RETSAT: variants seen among roughly 807,000 people sequenced by gnomAD.
RETSAT encodes the protein all-trans-retinol 13,14-reductase.
A neutral mutation model predicts 61.6 loss-of-function variants in RETSAT; 35 were observed. The observed-to-expected ratio is 0.57, with a 90% confidence interval of 0.43 to 0.75. The LOEUF is 0.75. Ranked by LOEUF, RETSAT falls within the 30% of genes least tolerant of loss-of-function variation. RETSAT has a pLI of 0.00. For missense variants in RETSAT, 670 were observed against 759.5 expected (o/e 0.88, Z 1.38); for synonymous variants, 277 against 310.4 (o/e 0.89, Z 1.13).
In RETSAT at chr2:85,350,243, T is replaced by C. The variant is rs891023854; in HGVS notation, c.598-2A>G. Reference sequence around the variant, plus strand: ...ATGAGGGGCTCCACTGGATACCACCTGGGGGAGTGAATGAGGACAGCAGGC... The same window carrying C: ...ATGAGGGGCTCCACTGGATACCACCCGGGGGAGTGAATGAGGACAGCAGGC... On this transcript the variant is annotated splice_acceptor_variant, in intron 3 of 10. Transcript: ENST00000295802. LOFTEE classifies it high-confidence loss of function. 4 of 1,612,812 alleles carry C rather than the reference T, an allele frequency of 2.5e-6. No homozygotes were observed. Among genetic ancestry groups the C allele is most frequent in the African/African-American group, 1.3e-5 (1 of 74,990 alleles).
rs374160271 is a variant in RETSAT, at chr2:85,344,702, G to T, written c.1148C>A (p.Pro383His). 9.4e-5 allele frequency: 152 copies of T among 1,614,016 alleles called. No individual in the cohort carries two copies. The highest frequency in any genetic ancestry group is 1.3e-4 in the Non-Finnish European group (149 of 1,180,016). ...GVKQQLGTVR[P>H]GLGMTSVFIC... Reference sequence around the variant, plus strand: ...GAAAACAGAGGTCATGCCTAAGCCGGGCCGCACCGTCCCCAGTTGCTGCTT... The same window carrying T: ...GAAAACAGAGGTCATGCCTAAGCCGTGCCGCACCGTCCCCAGTTGCTGCTT... Residue 383 changes from proline to histidine, a missense_variant, in exon 7 of 11, where the codon CCC becomes CAC. Physicochemically the swap from Pro to His is moderately conservative, Grantham distance 77. Transcript: ENST00000295802.
intron 2 of RETSAT, chr2:85,351,403 G>A (rs750888412): frequency 6.7e-6 from 3 of 448,340 alleles, no homozygotes; most frequent in Non-Finnish European, 1.2e-5. Context: ...GGCCCACTTG[G>A]TGGGATTACT....
chr2:85,345,910 G>A (rs908302), intron 6 of RETSAT, 65 bp downstream of exon 6: 1,031,991 of 1,608,272 alleles, frequency 0.64, 335,547 homozygotes, highest in East Asian at 0.95. Flanking sequence ...ACACGGAGCA[G>A]GTTGGCTCCA....
At chr2:85,349,741 A>G (rs1683267557) in intron 4 of RETSAT, 160 bp from the exon 5 acceptor site, 1 of 685,812 alleles carries the variant, frequency 1.5e-6, no homozygotes, top group East Asian at 2.7e-5. Context: ...CCATCTAGAC[A>G]TGGGGTACCT....
chr2:85,353,729 G>C (rs1189656597), intron 1 of RETSAT, among the ~76,000 whole-genome samples: 2 of 152,166 alleles, frequency 1.3e-5, no homozygotes, highest in Non-Finnish European at 2.9e-5. Context: ...AGATCAAACA[G>C]GTGATCCATT....
At chr2:85,350,269 C>T (rs1220548377) in intron 3 of RETSAT, 28 bp from the exon 4 acceptor site, 1 of 1,572,666 alleles carries the variant, frequency 6.4e-7, no homozygotes, top group Non-Finnish European at 8.8e-7. Flanking sequence ...GACAGCAGGC[C>T]TCACCTCTAG....
chr2:85,342,024 C>G lies in RETSAT; in HGVS notation c.*1218G>C. The G allele has an allele frequency of 2.1e-6, 1 of 476,736 alleles. No individual in the cohort carries two copies. Among genetic ancestry groups the G allele is most frequent in the Middle Eastern group, 5.5e-4 (1 of 1,814 alleles). 29.5% of individuals were successfully genotyped at this position (476,736 alleles called of 1,614,324 possible). Reference sequence around the variant, plus strand: ...GTGTTATTCAGTATATAGTGTTTTACTGAGCTTCTGCAAATGCCATCACAA... The same window carrying G: ...GTGTTATTCAGTATATAGTGTTTTAGTGAGCTTCTGCAAATGCCATCACAA... On this transcript the variant is annotated 3_prime_UTR_variant, in exon 11 of 11. Coordinates refer to ENST00000295802, the MANE Select transcript of RETSAT (RefSeq NM_017750.4).
Position 85,350,189 on chromosome 2 carries a change from G to T in RETSAT, c.650C>A (p.Pro217His). 1 of 1,613,938 alleles carries T rather than the reference G, an allele frequency of 6.2e-7. No individual in the cohort carries two copies. Reference protein sequence around the residue: ...HAILLKFLPLPVVQLLDRCGL... With the variant: ...HAILLKFLPLHVVQLLDRCGL... ...ACACCTGTCGAGGAGCTGAACCACG[G>T]GCAATGGGAGGAATTTCAACAGGAT... is the stretch of plus-strand genomic sequence containing the variant. Residue 217 changes from proline to histidine, a missense_variant, in exon 4 of 11, where the codon CCC (proline) becomes CAC (histidine). Physicochemically the swap from Pro to His is moderately conservative, Grantham distance 77. Coordinates refer to ENST00000295802, the MANE Select transcript of RETSAT (RefSeq NM_017750.4).
Position 85,344,248 on chromosome 2 carries a change from G to A in RETSAT, c.1357C>T (p.Arg453Ter), listed in dbSNP as rs545584463. The A allele has an allele frequency of 3.7e-5, 59 of 1,613,992 alleles. No homozygotes were observed. Among genetic ancestry groups the A allele is most frequent in the South Asian group, 3.6e-4 (33 of 91,084 alleles). Residue 453 changes from arginine (R) to a stop codon, truncating the protein, a stop_gained, in exon 8 of 11, where the codon CGA becomes TGA. Transcript: ENST00000295802. LOFTEE classifies it high-confidence loss of function. ...GGACGTGCAGCCCCACCTGGGAATC[G>A]GTCCTCCCAGGTCGGATCTTTGGCT... ...PSAKDPTWED[R>*]FPGRSTMIML... is the part of the protein sequence containing the mutation.
At position 85,344,131 on chromosome 2, in the gene RETSAT, G is replaced by GGT. The variant is rs774169688; in HGVS notation, c.1400_1401insAC (p.Tyr468ProfsTer12). On this transcript the variant is annotated frameshift_variant, in exon 9 of 11. Coordinates refer to ENST00000295802, the MANE Select transcript of RETSAT (RefSeq NM_017750.4). LOFTEE classifies it high-confidence loss of function. ...CCTGCCACTCCTCAAACCACTCGTAGGCAGTGGGTATGAGCATGATCATGG... is the reference window on the plus strand; with the variant it reads ...CCTGCCACTCCTCAAACCACTCGTAGGTGCAGTGGGTATGAGCATGATCATGG... 2,292 of 1,613,760 alleles carry GGT rather than the reference G, an allele frequency of 1.4e-3. 58 individuals carry two copies. In the East Asian group the frequency reaches 0.038, roughly 27 times the overall value.
At position 85,344,697 on chromosome 2, in the gene RETSAT, A is replaced by G. The variant is rs1376488225; in HGVS notation, c.1153T>C (p.Leu385=). The change falls in exon 7 of 11, where the codon TTA becomes CTA. Residue 385 remains leucine (L), a synonymous_variant. Coordinates refer to ENST00000295802, the MANE Select transcript of RETSAT (RefSeq NM_017750.4). ...KQQLGTVRPG[L]GMTSVFICLR... ...CAGATGAAAACAGAGGTCATGCCTA[A>G]GCCGGGCCGCACCGTCCCCAGTTGC... 1.2e-6 allele frequency: 2 copies of G among 1,614,142 alleles called. No homozygotes were observed. Among genetic ancestry groups the G allele is most frequent in the East Asian group, 2.2e-5 (1 of 44,870 alleles).
Position 85,354,356 on chromosome 2 carries a change from C to T in RETSAT, c.152G>A (p.Arg51Lys), listed in dbSNP as rs749102482. 6 of 1,614,264 alleles carry T rather than the reference C, an allele frequency of 3.7e-6. No individual in the cohort carries two copies. The South Asian group carries it at 6.6e-5, about 18-fold the overall frequency. The stretch of plus-strand genomic sequence containing the variant: ...GCTACCTTGTTTGAGAACCTTCTTC[C>T]TGGCCTCCTTGTCAGTTACCAGGGG... ...PAPLVTDKEA[R>K]KKVLKQAFSA... Residue 51 changes from arginine (R) to lysine (K), a missense_variant, in exon 1 of 11, where the codon AGG becomes AAG. Arg to Lys is a conservative substitution (Grantham distance 26). Transcript: ENST00000295802.
At chr2:85,348,434 T>C (rs76151769) in intron 5 of RETSAT, among the ~76,000 whole-genome samples, 1 of 151,972 alleles carries the variant, frequency 6.6e-6, no homozygotes, top group African/African-American at 2.4e-5. Context: ...ATTGAGACCA[T>C]CCTGGCTAAC....
At chr2:85,349,663 A>C in intron 4 of RETSAT, 82 bp from the exon 5 acceptor site, 1 of 1,193,652 alleles carries the variant, frequency 8.4e-7, no homozygotes, top group Non-Finnish European at 1.2e-6. Flanking sequence ...TCTGTGAGAT[A>C]ACACACAGCC....
At chr2:85,352,369 G>A (rs988581100) in intron 1 of RETSAT, among the ~76,000 whole-genome samples, 5 of 151,922 alleles carry the variant, frequency 3.3e-5, no homozygotes, top group African/African-American at 7.3e-5. Context: ...TCAGCCTCCC[G>A]AGTAGCTGGG....
At position 85,350,038 on chromosome 2, in the gene RETSAT, AC is replaced by A. The variant is rs3841638; in HGVS notation, c.799+1del. 1.7e-3 allele frequency: 2,810 copies of A among 1,613,034 alleles called. 93 individuals are homozygous for A. In the East Asian group the frequency reaches 0.05, roughly 29 times the overall value. On this transcript the variant is annotated splice_donor_variant, in intron 4 of 10. Transcript: ENST00000295802. LOFTEE classifies it high-confidence loss of function. ...TGCCCAGAGCCCAGGCCCAGTACCC[AC>A]CGTAAGTGGGGAAGATGTAGCTGAG... is the stretch of plus-strand genomic sequence containing the variant.
rs1210100414 is a variant in RETSAT at position 85,349,961 on chromosome 2, G to A, written c.799+79C>T. On this transcript the variant is annotated intron_variant, in intron 4 of 10. Transcript: ENST00000295802. The stretch of plus-strand genomic sequence containing the variant: ...GCTCCATATCAGTCAGCCAGGCAGG[G>A]TCGAGAAGAAAGATTGAGAGATGAG... 4 of 1,400,834 alleles carry A rather than the reference G, an allele frequency of 2.9e-6. No homozygotes were observed. The Admixed American group carries it at 5.2e-5, about 18-fold the overall frequency. The allele number at this position is 1,400,834 out of a possible 1,614,324, so 86.8% of individuals were successfully genotyped here.
chr2:85,343,932 T>C lies in RETSAT; in HGVS notation c.1533+67A>G, dbSNP rs1683136901. 1.9e-6 allele frequency: 3 copies of C among 1,592,434 alleles called. No individual in the cohort carries two copies. In the African/African-American group the frequency reaches 4.0e-5, roughly 21 times the overall value. On this transcript the variant is annotated intron_variant, in intron 9 of 10. Coordinates refer to ENST00000295802, the MANE Select transcript of RETSAT (RefSeq NM_017750.4). The stretch of plus-strand genomic sequence containing the variant: ...CTCATGTCTTGGGGCCTGATTCCCC[T>C]GTCTCAAGGAAAGGGCAGAAACAGC...
Position 85,349,482 on chromosome 2 carries a change from G to A in RETSAT, c.899C>T (p.Ala300Val), listed in dbSNP as rs1380376083. The change falls in exon 5 of 11, where the codon GCC becomes GTC. Residue 300 changes from alanine to valine, a missense_variant. By Grantham distance (64) the Ala-to-Val change is moderately conservative. Coordinates refer to ENST00000295802, the MANE Select transcript of RETSAT (RefSeq NM_017750.4). The stretch of plus-strand genomic sequence containing the variant: ...CTGAATCACAGGGATGGTGTGGAAG[G>A]CAATTTCACTGGAACCCCCTCGGGG... ...FYPRGGSSEIAFHTIPVIQRA... is the reference protein window; with the variant it reads ...FYPRGGSSEIVFHTIPVIQRA... 3.7e-6 allele frequency: 6 copies of A among 1,614,152 alleles called. No homozygotes were observed. Among genetic ancestry groups the A allele is most frequent in the South Asian group, 3.3e-5 (3 of 91,090 alleles).
Sources: gnomAD v4.1 joint callset for allele counts (sites outside exome capture counted in the v4.1 genomes callset) on GRCh38, gnomAD v4.1.1 for gene constraint, MANE v1.5 for transcripts, NCBI Gene and HGNC (gene_info 2026-07-23, HGNC 2026-07-21) for gene names.